The following ADGRV1 variants were observed in gnomAD, a reference collection of about 807,000 sequenced individuals.
ADGRV1 encodes the protein adhesion G protein-coupled receptor V1.
ADGRV1 carries 359 observed loss-of-function variants against 596.2 expected under a neutral mutation model. The ratio of observed to expected loss-of-function variants is 0.60; its 90% CI spans 0.55 to 0.66. ADGRV1 has a LOEUF of 0.66. ADGRV1 is among the 30% of genes least tolerant of loss of function. The pLI is 0.00. For synonymous variants in ADGRV1, 2,681 were observed against 2,679.2 expected, an observed-to-expected ratio of 1.00 and a Z score of -0.02; for missense variants, 7,274 against 7,575.6, an observed-to-expected ratio of 0.96 and a Z score of 1.48.
In ADGRV1 at chr5:90,781,288, G is replaced by C. The variant is rs537383757; in HGVS notation, c.13083-142G>C. 5.6e-6 allele frequency: 4 copies of C among 713,984 alleles called. No homozygotes were observed. The East Asian group carries it at 1.1e-4, about 19-fold the overall frequency. The allele number at this position is 713,984 out of a possible 1,614,324, so 44.2% of individuals were successfully genotyped here. On this transcript the variant is annotated intron_variant, in intron 64 of 89. Transcript: ENST00000405460. ...TTCAGGAAAAAGAGAATATTTTAGCGTTGAGGATCTTTAAAAGTATTGCAG... is the reference window on the plus strand; with the variant it reads ...TTCAGGAAAAAGAGAATATTTTAGCCTTGAGGATCTTTAAAAGTATTGCAG...
chr5:91,102,262 A>T lies in ADGRV1; in HGVS notation c.18354A>T (p.Thr6118=). ...ATCTCTTTGCTCTGATTTCCGTGAC[A>T]TGGCTTTGGGGAGGACTACACATGG... The part of the protein sequence containing the change: ...ILYLFALISV[T]WLWGGLHMAY... The change falls in exon 87 of 90, where the codon ACA becomes ACT. Residue 6118 remains threonine, a synonymous_variant. Transcript: ENST00000405460. 1 of 1,611,110 alleles carries T rather than the reference A, an allele frequency of 6.2e-7. No homozygotes were observed. The highest frequency in any genetic ancestry group is 1.1e-5 in the South Asian group (1 of 90,664).
chr5:90,784,488 T>C (rs767788390), intron 67 of ADGRV1, among the ~76,000 whole-genome samples: 2 of 152,058 alleles, frequency 1.3e-5, no homozygotes, highest in Non-Finnish European at 2.9e-5. Context: ...GCTTGTAAAA[T>C]TGGGAGACAC....
At chr5:90,674,870 T>G (rs980165525) in intron 23 of ADGRV1, among the ~76,000 whole-genome samples, 1 of 152,164 alleles carries the variant, frequency 6.6e-6, no homozygotes, top group African/African-American at 2.4e-5. Flanking sequence ...TCCTTTAAGG[T>G]GCCATTTAAC....
At chr5:90,947,654 G>T (rs553441250) in intron 83 of ADGRV1, among the ~76,000 whole-genome samples, 22 of 152,138 alleles carry the variant, frequency 1.4e-4, no homozygotes, top group African/African-American at 5.1e-4. Flanking sequence ...ATATTTAAGG[G>T]AGGTAGGAGG....
chr5:90,967,162 A>G (rs1350949327), intron 84 of ADGRV1, among the ~76,000 whole-genome samples: 1 of 152,184 alleles, frequency 6.6e-6, no homozygotes, highest in Non-Finnish European at 1.5e-5. Flanking sequence ...TAATAGAACT[A>G]GTTGAAACAA....
chr5:90,692,182 T>C (rs921446947), intron 31 of ADGRV1, among the ~76,000 whole-genome samples: 1 of 152,200 alleles, frequency 6.6e-6, no homozygotes, highest in Admixed American at 6.5e-5. Context: ...GTTTTAAATT[T>C]TGTCAAATAA....
At chr5:91,117,347 T>C (rs1792937877) in intron 87 of ADGRV1, among the ~76,000 whole-genome samples, 1 of 152,174 alleles carries the variant, frequency 6.6e-6, no homozygotes, top group African/African-American at 2.4e-5. Context: ...TGTATGTATT[T>C]GTAGACTGGT....
rs147820472 is a variant in ADGRV1, at chr5:90,984,052, T to C, written c.17974-1292T>C. ...GAAGAGGCAGTCACATTTTCCAGCA[T>C]TGACTATGTATGTGCTCAGCACTTT... On this transcript the variant is annotated intron_variant, in intron 84 of 89. Coordinates refer to ENST00000405460, the MANE Select transcript of ADGRV1 (RefSeq NM_032119.4). 8.6e-3 allele frequency among the ~76,000 whole-genome samples: 1,316 copies of C among 152,344 alleles called. 6 individuals carry two copies. The highest frequency in any genetic ancestry group is 0.013 in the Non-Finnish European group (902 of 68,026).
chr5:91,144,336 G>C (rs1795356631), intron 87 of ADGRV1, among the ~76,000 whole-genome samples: 1 of 152,178 alleles, frequency 6.6e-6, no homozygotes, highest in Non-Finnish European at 1.5e-5. Flanking sequence ...GGCAGGGTCT[G>C]GCTCTGTTAC....
chr5:90,742,338 T>C (rs1039488588), intron 50 of ADGRV1, among the ~76,000 whole-genome samples: 7 of 152,108 alleles, frequency 4.6e-5, no homozygotes, highest in Non-Finnish European at 7.3e-5. Flanking sequence ...AATTATATGT[T>C]GAGTAGGAGT....
chr5:90,587,581 G>A (rs559263288), intron 1 of ADGRV1, among the ~76,000 whole-genome samples: 30 of 140,042 alleles, frequency 2.1e-4, no homozygotes, highest in Non-Finnish European at 3.7e-4. Context: ...TTTTTAAATG[G>A]AGTCTTGCCC....
chr5:90,790,786 A>G lies in ADGRV1; in HGVS notation c.14044-87A>G, dbSNP rs1424969341. 12 of 820,746 alleles carry G rather than the reference A, an allele frequency of 1.5e-5. 1 individual carries two copies. Among genetic ancestry groups the G allele is most frequent in the African/African-American group, 1.4e-4 (8 of 57,664 alleles). The allele number at this position is 820,746 out of a possible 1,614,324, so 50.8% of individuals were successfully genotyped here. On this transcript the variant is annotated intron_variant, in intron 69 of 89. Transcript: ENST00000405460. ...ATGCACAATTATATTTTTTTTTTGT[A>G]TATTATAGAGAAAAACATAATTTAA...
At chr5:90,662,275 G>C (rs1290820283) in intron 21 of ADGRV1, among the ~76,000 whole-genome samples, 1 of 142,954 alleles carries the variant, frequency 7.0e-6, no homozygotes, top group Non-Finnish European at 1.5e-5. Context: ...CTCACTGCAA[G>C]CTCCACCTCC....
At chr5:90,612,327 T>C (rs531614190) in intron 1 of ADGRV1, among the ~76,000 whole-genome samples, 2 of 152,212 alleles carry the variant, frequency 1.3e-5, no homozygotes, top group East Asian at 3.9e-4. Context: ...TGCAATCTTA[T>C]GAGAGTTTTG....
intron 34 of ADGRV1, among the ~76,000 whole-genome samples, chr5:90,698,374 C>G (rs1320307692): frequency 6.6e-6 from 1 of 152,066 alleles, no homozygotes; most frequent in Non-Finnish European, 1.5e-5. Context: ...GATTTTCATA[C>G]AAGGAAACTG....
chr5:91,096,779 C>T (rs906022042), intron 86 of ADGRV1, among the ~76,000 whole-genome samples: 3 of 152,182 alleles, frequency 2.0e-5, no homozygotes, highest in Admixed American at 2.0e-4. Context: ...CATAAGTACA[C>T]TGACAATGTT....
At chr5:91,031,302 A>G in intron 85 of ADGRV1, 2 of 1,472,178 alleles carry the variant, frequency 1.4e-6, no homozygotes, top group Non-Finnish European at 9.5e-7. Flanking sequence ...TTTCAAACAT[A>G]GTAAAATGCT....
At chr5:90,657,395 A>G (rs1376052306) in intron 20 of ADGRV1, among the ~76,000 whole-genome samples, 1 of 152,102 alleles carries the variant, frequency 6.6e-6, no homozygotes, top group Non-Finnish European at 1.5e-5. Flanking sequence ...AGCTATTAAC[A>G]TGCCATTGCA....
chr5:91,094,461 TAAA>T (rs533784886), intron 86 of ADGRV1, among the ~76,000 whole-genome samples: 8 of 129,126 alleles, frequency 6.2e-5, no homozygotes, highest in African/African-American at 5.6e-5. Context: ...TCCTTCTATG[TAAA>T]AAAAAAAAAA....
Sources: allele counts gnomAD v4.1 joint callset (sites outside exome capture counted in the v4.1 genomes callset), GRCh38; gene constraint gnomAD v4.1.1; transcripts MANE v1.5; gene names NCBI Gene and HGNC (gene_info 2026-07-23, HGNC 2026-07-21).